Variants in MERTK observed in about 807,000 individuals in gnomAD.
MERTK encodes the protein MER proto-oncogene, tyrosine kinase.
In MERTK, 69 loss-of-function variants were observed where a neutral mutation model predicts 99.3. The observed-to-expected ratio is 0.70, with a 90% confidence interval of 0.57 to 0.85. The LOEUF is 0.85. MERTK is among the 40% of genes least tolerant of loss of function. The probability of loss-of-function intolerance (pLI) is 0.00; values close to 1 mark genes in which losing one functional copy is unlikely to be tolerated. For synonymous variants in MERTK, 426 were observed against 467.6 expected, an observed-to-expected ratio of 0.91 and a Z score of 1.15; for missense variants, 1,125 against 1,249.4, an observed-to-expected ratio of 0.90 and a Z score of 1.50.
intron 1 of MERTK, among the ~76,000 whole-genome samples, chr2:111,902,261 G>C (rs1023079931): frequency 1.3e-5 from 2 of 152,222 alleles, no homozygotes; most frequent in Non-Finnish European, 2.9e-5. Flanking sequence ...TTACTAGTCA[G>C]CATTGGTCAA....
chr2:111,936,933 G>T (rs1684774745), intron 2 of MERTK, among the ~76,000 whole-genome samples: 1 of 152,110 alleles, frequency 6.6e-6, no homozygotes. Flanking sequence ...CCCTGGTCAG[G>T]CGCAACACTC....
chr2:111,958,203 G>A (rs905614464), intron 4 of MERTK, among the ~76,000 whole-genome samples: 1 of 152,134 alleles, frequency 6.6e-6, no homozygotes, highest in Non-Finnish European at 1.5e-5. Flanking sequence ...GTGGGAGGGT[G>A]GAGACTTAGG....
At chr2:111,946,867 G>A (rs568239292) in intron 3 of MERTK, among the ~76,000 whole-genome samples, 2 of 152,298 alleles carry the variant, frequency 1.3e-5, no homozygotes, top group East Asian at 3.9e-4. Flanking sequence ...AAGCATCCTA[G>A]AAAGCTGGCT....
At chr2:111,898,861 T>C in intron 1 of MERTK, 65 bp downstream of exon 1, 1 of 1,500,408 alleles carries the variant, frequency 6.7e-7, no homozygotes, top group Non-Finnish European at 9.0e-7. Context: ...CAGGGGCCTC[T>C]GGGGAGGGAG....
chr2:111,974,794 A>G (rs1344168526), intron 6 of MERTK, among the ~76,000 whole-genome samples: 1 of 132,638 alleles, frequency 7.5e-6, no homozygotes, highest in Non-Finnish European at 1.7e-5. Flanking sequence ...AAAAAAAAAG[A>G]AAGAAAAGAA....
At chr2:111,946,140 T>G in intron 3 of MERTK, among the ~76,000 whole-genome samples, 1 of 151,368 alleles carries the variant, frequency 6.6e-6, no homozygotes, top group Non-Finnish European at 1.5e-5. Context: ...CTCAGAGGAG[T>G]CTCTTCATGA....
intron 1 of MERTK, among the ~76,000 whole-genome samples, chr2:111,925,161 TC>T (rs758818401): frequency 1.1e-4 from 16 of 151,320 alleles, no homozygotes; most frequent in Admixed American, 3.3e-4. Context: ...TAAGTCTCTT[TC>T]TTTATCCCAT....
chr2:112,019,151 A>G (rs1435211679), intron 15 of MERTK, among the ~76,000 whole-genome samples: 1 of 152,212 alleles, frequency 6.6e-6, no homozygotes, highest in Non-Finnish European at 1.5e-5. Flanking sequence ...TACCTTCTAA[A>G]AAGAAACAAT....
At chr2:111,911,690 T>TA (rs1684252043) in intron 1 of MERTK, among the ~76,000 whole-genome samples, 1 of 23,336 alleles carries the variant, frequency 4.3e-5, no homozygotes. Context: ...GCGCCCAGCC[T>TA]TTTTTTTTTT....
chr2:111,976,648 A>G (rs1432338221), intron 7 of MERTK, among the ~76,000 whole-genome samples: 1 of 151,458 alleles, frequency 6.6e-6, no homozygotes, highest in Admixed American at 6.6e-5. Context: ...ATGTAATCGA[A>G]TCATTCAAAT....
At chr2:111,992,776 AAG>A (rs1676653150) in intron 8 of MERTK, among the ~76,000 whole-genome samples, 1 of 151,912 alleles carries the variant, frequency 6.6e-6, no homozygotes, top group Non-Finnish European at 1.5e-5. Flanking sequence ...AGAAAGAAAA[AAG>A]AAAAAAATAA....
At position 111,956,838 on chromosome 2, in the gene MERTK, C is replaced by T. The variant is rs528837530; in HGVS notation, c.758-8353C>T. ...AGCTTTTTTCAAATTTTTTGTAGGA[C>T]GGGATCTCACTATGTTGTCCAGGCT... On this transcript the variant is annotated intron_variant, in intron 4 of 18. Transcript: ENST00000295408. Among the ~76,000 whole-genome samples, 121 of 152,078 alleles carry T rather than the reference C, an allele frequency of 8.0e-4. 1 individual carries two copies. The highest frequency in any genetic ancestry group is 2.5e-3 in the African/African-American group (105 of 41,472).
At chr2:111,967,360 T>C (rs942065587) in intron 5 of MERTK, among the ~76,000 whole-genome samples, 1 of 152,252 alleles carries the variant, frequency 6.6e-6, no homozygotes, top group African/African-American at 2.4e-5. Context: ...GTCTGGCACA[T>C]AGCAAGCACA....
In MERTK at chr2:111,929,454, A is replaced by C; in HGVS notation, c.396A>C (p.Lys132Asn). 1.9e-6 allele frequency: 3 copies of C among 1,614,184 alleles called. No homozygotes were observed. The highest frequency in any genetic ancestry group is 2.5e-6 in the Non-Finnish European group (3 of 1,180,018). Residue 132 changes from lysine (K) to asparagine (N), a missense_variant, in exon 2 of 19, where the codon AAA becomes AAC. Coordinates refer to ENST00000295408, the MANE Select transcript of MERTK (RefSeq NM_006343.3). ...AGGACACCACAATTTCTTGGTGGAA[A>C]GATGGGAAGGAATTGCTTGGGGCAC... The part of the protein sequence containing the change: ...IYQDTTISWW[K>N]DGKELLGAHH...
At chr2:111,910,941 A>G (rs1489123299) in intron 1 of MERTK, among the ~76,000 whole-genome samples, 1 of 152,226 alleles carries the variant, frequency 6.6e-6, no homozygotes, top group East Asian at 1.9e-4. Flanking sequence ...TAGGATTACT[A>G]TAGTTAACAG....
At chr2:111,938,448 T>C (rs1057378110) in intron 2 of MERTK, among the ~76,000 whole-genome samples, 6 of 152,220 alleles carry the variant, frequency 3.9e-5, no homozygotes, top group Non-Finnish European at 5.9e-5. Context: ...TGTATTTCTT[T>C]TAAAAAGACT....
At chr2:112,004,368 C>T (rs866147729) in intron 13 of MERTK, among the ~76,000 whole-genome samples, 27 of 152,130 alleles carry the variant, frequency 1.8e-4, no homozygotes, top group African/African-American at 5.3e-4. Context: ...TTGTTCTGGC[C>T]GGCCTGTCTA....
intron 18 of MERTK, 160 bp from the exon 19 acceptor site, chr2:112,028,191 G>A (rs1677509025): frequency 1.3e-6 from 1 of 762,636 alleles, no homozygotes; most frequent in East Asian, 2.7e-5. Context: ...TACAAAAGTT[G>A]TATAAATATT....
chr2:111,968,334 C>A, intron 6 of MERTK, 82 bp downstream of exon 6: 1 of 1,095,162 alleles, frequency 9.1e-7, no homozygotes, highest in Non-Finnish European at 1.4e-6. Flanking sequence ...CAAGGATGGG[C>A]ATGGAGGGCA....
Sources: gnomAD v4.1 joint callset for allele counts (sites outside exome capture counted in the v4.1 genomes callset) on GRCh38, gnomAD v4.1.1 for gene constraint, MANE v1.5 for transcripts, NCBI Gene and HGNC (gene_info 2026-07-23, HGNC 2026-07-21) for gene names.